Variants in ANKS1B observed in about 807,000 individuals in gnomAD.
ANKS1B encodes ankyrin repeat and sterile alpha motif domain-containing protein 1B.
In ANKS1B, 36 loss-of-function variants were observed where a neutral mutation model predicts 148.3. That is an observed-to-expected ratio of 0.24 (90% CI 0.19 to 0.32). The LOEUF (loss-of-function observed/expected upper bound fraction) is 0.32. Ranked by LOEUF, ANKS1B falls within the 10% of genes least tolerant of loss-of-function variation. The pLI, the probability that ANKS1B is intolerant of heterozygous loss-of-function variation, is 1.00. For missense variants in ANKS1B, 1,157 were observed against 1,542.6 expected (o/e 0.75, Z 4.19); for synonymous variants, 542 against 560.8 (o/e 0.97, Z 0.47).
At chr12:99,678,353 T>A (rs1297506322) in intron 8 of ANKS1B, among the ~76,000 whole-genome samples, 1 of 152,188 alleles carries the variant, frequency 6.6e-6, no homozygotes, top group East Asian at 1.9e-4. Flanking sequence ...AATAACTAAG[T>A]GTACTCTTGG....
At chr12:99,621,461 G>GAAAAAAAAAA (rs199847091) in intron 9 of ANKS1B, among the ~76,000 whole-genome samples, 1 of 112,782 alleles carries the variant, frequency 8.9e-6, no homozygotes. Context: ...AGGCAAATTG[G>GAAAAAAAAAA]AAAAAAAAAA....
intron 12 of ANKS1B, among the ~76,000 whole-genome samples, chr12:99,307,904 T>G (rs1051171683): frequency 1.1e-4 from 17 of 152,058 alleles, no homozygotes; most frequent in Non-Finnish European, 1.8e-4. Context: ...GAGTTGAGAC[T>G]AGAGAATCCA....
intron 22 of ANKS1B, among the ~76,000 whole-genome samples, chr12:98,797,245 T>C (rs1038738709): frequency 2.0e-5 from 3 of 152,186 alleles, no homozygotes; most frequent in African/African-American, 7.2e-5. Context: ...TCATTTTATA[T>C]GTAAGAAAAC....
chr12:99,278,925 T>G (rs1245028221), intron 12 of ANKS1B, among the ~76,000 whole-genome samples: 3 of 152,144 alleles, frequency 2.0e-5, no homozygotes, highest in Non-Finnish European at 4.4e-5. Context: ...TGTATTAACC[T>G]AAATTATTGC....
chr12:99,502,321 G>C (rs1345045331), intron 10 of ANKS1B, among the ~76,000 whole-genome samples: 1 of 152,056 alleles, frequency 6.6e-6, no homozygotes, highest in Non-Finnish European at 1.5e-5. Flanking sequence ...CCATAGCCTG[G>C]GGTCAGCATT....
chr12:99,155,961 C>T (rs902753634), intron 14 of ANKS1B, among the ~76,000 whole-genome samples: 2 of 152,198 alleles, frequency 1.3e-5, no homozygotes, highest in Admixed American at 1.3e-4. Flanking sequence ...GCCTCTTCCA[C>T]ATAAAGAGCT....
intron 9 of ANKS1B, among the ~76,000 whole-genome samples, chr12:99,624,468 A>G (rs1258985682): frequency 6.6e-6 from 1 of 152,174 alleles, no homozygotes; most frequent in African/African-American, 2.4e-5. Flanking sequence ...CAGACAACCT[A>G]CAAAATGGGA....
At chr12:99,139,461 A>T (rs566441313) in intron 15 of ANKS1B, among the ~76,000 whole-genome samples, 16 of 72,822 alleles carry the variant, frequency 2.2e-4, no homozygotes, top group African/African-American at 7.9e-4. Flanking sequence ...TCTTTCTTTC[A>T]AGATAGGAGT....
chr12:99,644,118 A>T (rs2098336255), intron 9 of ANKS1B, among the ~76,000 whole-genome samples: 1 of 152,116 alleles, frequency 6.6e-6, no homozygotes, highest in African/African-American at 2.4e-5. Flanking sequence ...CTTTATCTAG[A>T]AATCTACTCA....
intron 9 of ANKS1B, among the ~76,000 whole-genome samples, chr12:99,644,298 T>C (rs1430088695): frequency 6.6e-6 from 1 of 152,208 alleles, no homozygotes; most frequent in African/African-American, 2.4e-5. Context: ...TTAACATTCA[T>C]ATGTTTATTA....
At chr12:99,280,064 A>G (rs1430229875) in intron 12 of ANKS1B, among the ~76,000 whole-genome samples, 1 of 152,160 alleles carries the variant, frequency 6.6e-6, no homozygotes, top group Non-Finnish European at 1.5e-5. Flanking sequence ...AATATATTAT[A>G]AACAATTCTC....
intron 4 of ANKS1B, among the ~76,000 whole-genome samples, chr12:99,793,154 T>C (rs995682039): frequency 1.3e-5 from 2 of 151,874 alleles, no homozygotes; most frequent in African/African-American, 4.8e-5. Flanking sequence ...ATCTCTACAA[T>C]GAAAACTGTA....
rs73381505 is a variant in ANKS1B, at chr12:99,559,105, T to C, written c.1273-54464A>G. On this transcript the variant is annotated intron_variant, in intron 9 of 26. Transcript: ENST00000683438. ...CTTCCTCCCGCTTCAGCCCAGCAAC[T>C]GAATCCTCTCTCCATCCACTCTCAA... Among the ~76,000 whole-genome samples the C allele has an allele frequency of 1.5e-3, 236 of 152,268 alleles. 1 individual carries two copies. Among genetic ancestry groups the C allele is most frequent in the African/African-American group, 5.5e-3 (230 of 41,566 alleles).
chr12:99,792,672 TA>T lies in ANKS1B; in HGVS notation c.670-10576del, dbSNP rs1282894605. On this transcript the variant is annotated intron_variant, in intron 4 of 26. Coordinates refer to ENST00000683438, the MANE Select transcript of ANKS1B (RefSeq NM_001352186.2). Reference sequence around the variant, plus strand: ...TGCAGTCCAACATCCCTTCCTGTTTTAAAAAAAAATAGTCAAAACACCTCAA... The same window carrying T: ...TGCAGTCCAACATCCCTTCCTGTTTTAAAAAAAATAGTCAAAACACCTCAA... Among the ~76,000 whole-genome samples the T allele has an allele frequency of 9.3e-5, 14 of 150,678 alleles. No individual in the cohort carries two copies. In the South Asian group the frequency reaches 1.3e-3, roughly 14 times the overall value.
chr12:98,962,499 T>C (rs2099873178), intron 17 of ANKS1B, among the ~76,000 whole-genome samples: 1 of 151,788 alleles, frequency 6.6e-6, no homozygotes, highest in Non-Finnish European at 1.5e-5. Flanking sequence ...AATACAATAA[T>C]AGCTGGAGAC....
intron 8 of ANKS1B, among the ~76,000 whole-genome samples, chr12:99,726,577 C>T (rs144857976): frequency 6.6e-6 from 1 of 152,258 alleles, no homozygotes; most frequent in East Asian, 1.9e-4. Context: ...GGAGCTGGTG[C>T]CATTCCTTCT....
intron 20 of ANKS1B, among the ~76,000 whole-genome samples, chr12:98,805,114 G>A (rs1298182406): frequency 1.3e-5 from 2 of 152,132 alleles, no homozygotes; most frequent in Non-Finnish European, 2.9e-5. Context: ...AATCACAAAT[G>A]AGAAATCAAA....
At position 98,829,090 on chromosome 12, in the gene ANKS1B, G is replaced by A. The variant is rs2099274044; in HGVS notation, c.3066+84C>T. ...AATTCTAGTTAGGCACGGACAATAAGCATCCATAGGAAGCTACTGTTCACT... is the reference window on the plus strand; with the variant it reads ...AATTCTAGTTAGGCACGGACAATAAACATCCATAGGAAGCTACTGTTCACT... On this transcript the variant is annotated intron_variant, in intron 19 of 26. Coordinates refer to ENST00000683438, the MANE Select transcript of ANKS1B (RefSeq NM_001352186.2). This position sits in a 1 kb window ranked among gnomAD's most constrained non-coding sequence, Gnocchi z 5.2. 1.4e-6 allele frequency: 2 copies of A among 1,473,390 alleles called. No homozygotes were observed. Among genetic ancestry groups the A allele is most frequent in the Non-Finnish European group, 1.9e-6 (2 of 1,062,440 alleles). The allele number at this position is 1,473,390 out of a possible 1,614,324, so 91.3% of individuals were successfully genotyped here.
At chr12:99,333,805 T>C (rs1256085905) in intron 12 of ANKS1B, among the ~76,000 whole-genome samples, 2 of 151,174 alleles carry the variant, frequency 1.3e-5, no homozygotes, top group Non-Finnish European at 2.9e-5. Flanking sequence ...GAAGCACTGA[T>C]TCCACTAGGT....
Sources: gnomAD v4.1 joint callset for allele counts (sites outside exome capture counted in the v4.1 genomes callset) on GRCh38, gnomAD v4.1.1 for gene constraint, Gnocchi (gnomAD v3.1) non-coding constraint, MANE v1.5 for transcripts, NCBI Gene and HGNC (gene_info 2026-07-23, HGNC 2026-07-21) for gene names.